Variants in TSPAN16 observed in about 807,000 individuals in gnomAD.
The protein encoded by TSPAN16 is tetraspanin 16.
In TSPAN16, 23 loss-of-function variants were observed where a neutral mutation model predicts 25.2. The observed-to-expected ratio is 0.91, with a 90% confidence interval of 0.66 to 1.29. The LOEUF is 1.29. Ranked by LOEUF, TSPAN16 falls within the 50% of genes most tolerant of loss-of-function variation. TSPAN16 has a pLI of 0.00. For missense variants in TSPAN16, 272 were observed against 299.9 expected, an observed-to-expected ratio of 0.91 and a Z score of 0.69; for synonymous variants, 123 against 124.4, an observed-to-expected ratio of 0.99 and a Z score of 0.08.
chr19:11,326,502 C>A (rs1184759528), intron 6 of TSPAN16, among the ~76,000 whole-genome samples: 1 of 152,238 alleles, frequency 6.6e-6, no homozygotes, highest in Non-Finnish European at 1.5e-5. Flanking sequence ...AGTTCTGCTG[C>A]CCTGCGGCCA....
chr19:11,301,224 C>T lies in TSPAN16; in HGVS notation c.366C>T (p.His122=), dbSNP rs373695008. The T allele has an allele frequency of 1.1e-4, 175 of 1,613,926 alleles. 1 individual carries two copies. Among genetic ancestry groups the T allele is most frequent in the Non-Finnish European group, 1.4e-4 (169 of 1,179,986 alleles). ...FPIVGDVALE[H]TFVTLRKNYR... is the part of the protein sequence containing the mutation. Reference sequence around the variant, plus strand: ...AGGTTGGAGATGTGGCCTTGGAACACACCTTCGTGACCCTGAGGAAGAATT... The same window carrying T: ...AGGTTGGAGATGTGGCCTTGGAACATACCTTCGTGACCCTGAGGAAGAATT... Residue 122 remains histidine, a synonymous_variant, in exon 4 of 7, where the codon CAC becomes CAT. Coordinates refer to ENST00000590327, the MANE Select transcript of TSPAN16 (RefSeq NM_001282509.2).
chr19:11,315,235 C>CAATAATAAT (rs58115943), intron 6 of TSPAN16, among the ~76,000 whole-genome samples: 2,412 of 124,698 alleles, frequency 0.019, 32 homozygotes, highest in African/African-American at 0.029. Flanking sequence ...GACTCCTTCT[C>CAATAATAAT]AATAATAATA....
chr19:11,304,555 C>T (rs1327257302), intron 4 of TSPAN16, among the ~76,000 whole-genome samples: 4 of 151,214 alleles, frequency 2.6e-5, no homozygotes, highest in Admixed American at 6.6e-5. Flanking sequence ...GATGGAGTCT[C>T]GCTCTGTTGC....
At chr19:11,320,957 T>C (rs1464893410), downstream of TSPAN16, among the ~76,000 whole-genome samples, 1 of 151,808 alleles carries the variant, frequency 6.6e-6, no homozygotes, top group Non-Finnish European at 1.5e-5. Flanking sequence ...GATCATGAGG[T>C]CAGGCGTTCG....
At chr19:11,317,368 T>C (rs322139), downstream of TSPAN16, among the ~76,000 whole-genome samples, 1 of 152,048 alleles carries the variant, frequency 6.6e-6, no homozygotes, top group Non-Finnish European at 1.5e-5. Flanking sequence ...CATGCTGGAG[T>C]GCAGAGATGT....
rs77224516 is a variant in TSPAN16 at position 11,315,778 on chromosome 19, T to C, written c.688-13T>C. 8.3e-4 allele frequency: 1,028 copies of C among 1,231,754 alleles called. 6 individuals are homozygous for C. In the African/African-American group the frequency reaches 0.015, roughly 18 times the overall value. The allele number at this position is 1,231,754 out of a possible 1,614,324, so 76.3% of individuals were successfully genotyped here. On this transcript the variant is annotated splice_polypyrimidine_tract_variant and intron_variant, in intron 6 of 6. Coordinates refer to ENST00000590327, the MANE Select transcript of TSPAN16 (RefSeq NM_001282509.2). Reference sequence around the variant, plus strand: ...TAGCATTGGATCCATGTTTCTTTCTTCACGCATTTCAGTTGCCAGGAATTC... The same window carrying C: ...TAGCATTGGATCCATGTTTCTTTCTCCACGCATTTCAGTTGCCAGGAATTC...
intron 6 of TSPAN16, among the ~76,000 whole-genome samples, chr19:11,315,444 C>A (rs2080738569): frequency 6.6e-6 from 1 of 150,820 alleles, no homozygotes; most frequent in Non-Finnish European, 1.5e-5. Flanking sequence ...GTAGTCCCAG[C>A]TACTCGGGAG....
chr19:11,324,972 G>A (rs1211135180), intron 6 of TSPAN16: 1 of 157,818 alleles, frequency 6.3e-6, no homozygotes, highest in South Asian at 1.7e-4. Flanking sequence ...CACACTGTGC[G>A]AGGAAGATGA....
intron 1 of TSPAN16, among the ~76,000 whole-genome samples, 154 bp downstream of exon 1, chr19:11,296,520 G>A (rs973548113): frequency 2.6e-5 from 4 of 152,142 alleles, no homozygotes; most frequent in African/African-American, 9.7e-5. Flanking sequence ...AGGAGGAGGA[G>A]CAGGGAGCGT....
rs527913396 is a variant in TSPAN16 at position 11,320,974 on chromosome 19, G to T, written c.688-5820G>T. Among the ~76,000 whole-genome samples the T allele has an allele frequency of 1.1e-4, 17 of 152,180 alleles. No individual in the cohort carries two copies. In the East Asian group the frequency reaches 1.5e-3, roughly 14 times the overall value. ...TCATGAGGTCAGGCGTTCGAGACCA[G>T]CCTGGCCAACGTGGTGAAACCCCGT... On this transcript the variant is annotated intron_variant, in intron 6 of 6. Coordinates refer to the TSPAN16 transcript ENST00000316737.
At chr19:11,323,277 C>A (rs961448674) in intron 6 of TSPAN16, 2 of 152,160 alleles carry the variant, frequency 1.3e-5, no homozygotes, top group African/African-American at 4.8e-5. Context: ...CATTACACCT[C>A]AGTCATCTAA....
intron 4 of TSPAN16, among the ~76,000 whole-genome samples, chr19:11,303,572 TAAATTAAAAA>T: frequency 1.3e-5 from 1 of 76,326 alleles, no homozygotes; most frequent in East Asian, 3.7e-4. Flanking sequence ...AATAAATAAA[TAAATTAAAAA>T]AAAAAAAAAA....
At chr19:11,318,521 T>G (rs987876599), downstream of TSPAN16, among the ~76,000 whole-genome samples, 7 of 152,110 alleles carry the variant, frequency 4.6e-5, no homozygotes, top group Admixed American at 3.3e-4. Flanking sequence ...ATGATCCTAG[T>G]GGTTTTTAAG....
intron 6 of TSPAN16, among the ~76,000 whole-genome samples, chr19:11,313,652 C>T (rs980445275): frequency 4.6e-5 from 7 of 151,312 alleles, no homozygotes; most frequent in Non-Finnish European, 8.8e-5. Context: ...ATAAAAAATG[C>T]TCTACCACCC....
chr19:11,325,636 C>CTCAGCT (rs773412532), intron 6 of TSPAN16: 1 of 1,520,372 alleles, frequency 6.6e-7, no homozygotes, highest in East Asian at 2.3e-5. Context: ...AGGGCAGAGT[C>CTCAGCT]TCAGCTGTGG....
At chr19:11,298,727 C>T in intron 2 of TSPAN16, 145 bp from the exon 3 acceptor site, 1 of 751,052 alleles carries the variant, frequency 1.3e-6, no homozygotes, top group South Asian at 1.5e-5. Context: ...GCCACTGCTC[C>T]CGGTCGAATT....
At chr19:11,304,167 G>A (rs553524040) in intron 4 of TSPAN16, among the ~76,000 whole-genome samples, 1 of 151,742 alleles carries the variant, frequency 6.6e-6, no homozygotes, top group South Asian at 2.1e-4. Context: ...TAAGGAGCAA[G>A]ACTGGCCTTT....
intron 3 of TSPAN16, 108 bp downstream of exon 3, chr19:11,299,054 T>A: frequency 9.2e-7 from 1 of 1,090,430 alleles, no homozygotes; most frequent in Non-Finnish European, 1.4e-6. Context: ...CTGAGTCTGG[T>A]GGATCACCTG....
At chr19:11,307,982 A>G (rs1229902048) in intron 5 of TSPAN16, 2 of 152,008 alleles carry the variant, frequency 1.3e-5, no homozygotes, top group Admixed American at 6.6e-5. Flanking sequence ...CCTTCTAGAG[A>G]CCCTAAATGG....
Sources: gnomAD v4.1 joint callset for allele counts (sites outside exome capture counted in the v4.1 genomes callset) on GRCh38, gnomAD v4.1.1 for gene constraint, MANE v1.5 for transcripts, NCBI Gene and HGNC (gene_info 2026-07-23, HGNC 2026-07-21) for gene names.